The following ZNF736 variants were observed in gnomAD, a reference collection of about 807,000 sequenced individuals.
The protein encoded by ZNF736 is zinc finger protein 736, also known as KRAB-containing zinc-finger repressor protein.
A neutral mutation model predicts 11.7 loss-of-function variants in ZNF736; 6 were observed. That is an observed-to-expected ratio of 0.51 (90% CI 0.28 to 1.01). ZNF736 has a LOEUF of 1.01. ZNF736 is among the 50% of genes least tolerant of loss of function. The pLI is 0.09. For missense variants in ZNF736, 444 were observed against 496.0 expected, an observed-to-expected ratio of 0.90 and a Z score of 1.00; for synonymous variants, 139 against 164.7, an observed-to-expected ratio of 0.84 and a Z score of 1.19.
chr7:64,348,259 C>T lies in ZNF736; in HGVS notation c.396C>T (p.Gly132=). 3 of 1,551,934 alleles carry T rather than the reference C, an allele frequency of 1.9e-6. No individual in the cohort carries two copies. Among genetic ancestry groups the T allele is most frequent in the Non-Finnish European group, 2.6e-6 (3 of 1,146,906 alleles). Residue 132 remains glycine, a synonymous_variant, in exon 4 of 4, where the codon GGC becomes GGT. Transcript: ENST00000423484. ...NCKGQKSSYN[G]LHQCLSATHS... Reference sequence around the variant, plus strand: ...AGGGGCAGAAAAGCAGTTATAATGGCCTTCATCAATGTTTGTCAGCTACCC... The same window carrying T: ...AGGGGCAGAAAAGCAGTTATAATGGTCTTCATCAATGTTTGTCAGCTACCC...
At chr7:64,338,181 C>T (rs901284322) in intron 3 of ZNF736, among the ~76,000 whole-genome samples, 3 of 152,082 alleles carry the variant, frequency 2.0e-5, no homozygotes, top group Admixed American at 1.3e-4. Context: ...CATTTATATA[C>T]GCATGTGTAT....
chr7:64,331,157 C>G (rs1407156900), intron 1 of ZNF736, among the ~76,000 whole-genome samples: 1 of 152,170 alleles, frequency 6.6e-6, no homozygotes, highest in Non-Finnish European at 1.5e-5. Context: ...GTGGCTTAGA[C>G]TGCCTTTCAA....
chr7:64,348,883 C>A lies in ZNF736; in HGVS notation c.1020C>A (p.Pro340=). 1 of 1,608,210 alleles carries A rather than the reference C, an allele frequency of 6.2e-7. No individual in the cohort carries two copies. Among genetic ancestry groups the A allele is most frequent in the South Asian group, 1.1e-5 (1 of 90,402 alleles). ...KHKRIHTGEK[P]YICEECGKAF... is the part of the protein sequence containing the mutation. ...AGAGAATTCATACTGGAGAGAAACC[C>A]TACATCTGTGAAGAATGTGGCAAAG... Residue 340 remains proline, a synonymous_variant, in exon 4 of 4, where the codon CCC becomes CCA. Transcript: ENST00000423484.
rs1789426008 is a variant in ZNF736 at position 64,347,328 on chromosome 7, CCTTT to C, written c.227-758_227-755del. 2.7e-5 allele frequency among the ~76,000 whole-genome samples: 4 copies of C among 146,652 alleles called. No homozygotes were observed. In the South Asian group the frequency reaches 8.6e-4, roughly 32 times the overall value. ...CCACCTCCTGAGTTCAAGCGATTCT[CCTTT>C]CTTCTGCCTCAGCCTCCCAAGTAGC... On this transcript the variant is annotated intron_variant, in intron 3 of 3. Transcript: ENST00000423484.
At chr7:64,337,670 A>T (rs1197992465) in intron 3 of ZNF736, among the ~76,000 whole-genome samples, 4 of 151,840 alleles carry the variant, frequency 2.6e-5, no homozygotes, top group African/African-American at 9.7e-5. Context: ...TATCTACTTC[A>T]TACGTTTATT....
intron 3 of ZNF736, among the ~76,000 whole-genome samples, chr7:64,341,635 AT>A (rs1789339752): frequency 6.6e-6 from 1 of 152,098 alleles, no homozygotes; most frequent in Admixed American, 6.6e-5. Flanking sequence ...TTACTCCATC[AT>A]TTTCATGTTA....
intron 1 of ZNF736, among the ~76,000 whole-genome samples, chr7:64,314,921 A>G (rs1484860025): frequency 1.3e-5 from 2 of 152,130 alleles, no homozygotes; most frequent in African/African-American, 4.8e-5. Context: ...TTCCAGCCCA[A>G]ATCTCCTATT....
intron 1 of ZNF736, among the ~76,000 whole-genome samples, chr7:64,322,893 T>C (rs1451863466): frequency 6.6e-6 from 1 of 150,890 alleles, no homozygotes; most frequent in Admixed American, 6.6e-5. Context: ...ATGTATGTCT[T>C]TCTGTTTACT....
chr7:64,336,410 T>A, intron 2 of ZNF736, 25 bp downstream of exon 2: 1 of 1,558,854 alleles, frequency 6.4e-7, no homozygotes, highest in East Asian at 2.3e-5. Flanking sequence ...AATATACAAC[T>A]CATATTCTAC....
At chr7:64,329,670 C>T (rs1293064998) in intron 1 of ZNF736, among the ~76,000 whole-genome samples, 1 of 152,144 alleles carries the variant, frequency 6.6e-6, no homozygotes, top group African/African-American at 2.4e-5. Flanking sequence ...AACACTAGCA[C>T]CCCTGTGGCC....
intron 1 of ZNF736, among the ~76,000 whole-genome samples, chr7:64,320,473 G>A (rs1332270206): frequency 6.6e-6 from 1 of 152,130 alleles, no homozygotes; most frequent in Non-Finnish European, 1.5e-5. Flanking sequence ...CTAAGCTAGA[G>A]ATAATTCATT....
At position 64,351,886 on chromosome 7, in the gene ZNF736, G is replaced by A. The variant is rs1166253314; in HGVS notation, c.*2739G>A. ...GGTTTACTGTCTGCTGAGGAGCAGT[G>A]GGTAGTTTGTGGGACCCATGGAGGA... On this transcript the variant is annotated 3_prime_UTR_variant, in exon 4 of 4. Transcript: ENST00000423484. 1 of 152,276 alleles carries A rather than the reference G, an allele frequency of 6.6e-6. No homozygotes were observed. The highest frequency in any genetic ancestry group is 1.5e-5 in the Non-Finnish European group (1 of 68,134). The allele number at this position is 152,276 out of a possible 1,614,324, so 9.4% of individuals were successfully genotyped here.
rs867011622 is a variant in ZNF736 at position 64,319,347 on chromosome 7, A to G, written c.3+5194A>G. Reference sequence around the variant, plus strand: ...TGTGTGTATGTGTATATATATATATATATATATATATATATATATATATAT... The same window carrying G: ...TGTGTGTATGTGTATATATATATATGTATATATATATATATATATATATAT... On this transcript the variant is annotated intron_variant, in intron 1 of 3. Coordinates refer to ENST00000423484, the MANE Select transcript of ZNF736 (RefSeq NM_001170905.3). 8.0e-3 allele frequency among the ~76,000 whole-genome samples: 829 copies of G among 104,184 alleles called. 38 individuals carry two copies. The highest frequency in any genetic ancestry group is 0.029 in the African/African-American group (637 of 22,306). 68.3% of individuals were successfully genotyped at this position (104,184 alleles called of 152,430 possible).
rs777501750 is a variant in ZNF736, at chr7:64,351,474, T to C, written c.*2327T>C. On this transcript the variant is annotated 3_prime_UTR_variant, in exon 4 of 4. Transcript: ENST00000423484. ...AGGCATGTCCCTCCAGTGCAGATGC[T>C]CTGGTATGAGCTTCCAGGGTACCTG... 3 of 152,398 alleles carry C rather than the reference T, an allele frequency of 2.0e-5. No individual in the cohort carries two copies. The highest frequency in any genetic ancestry group is 7.2e-5 in the African/African-American group (3 of 41,568). 9.4% of individuals were successfully genotyped at this position (152,398 alleles called of 1,614,324 possible). A position where few individuals can be genotyped will look rare whatever the true frequency, so the allele number is the denominator to read the frequency against.
In ZNF736 at chr7:64,341,590, A is replaced by G. The variant is rs373711578; in HGVS notation, c.226+4608A>G. 5.3e-5 allele frequency among the ~76,000 whole-genome samples: 8 copies of G among 152,130 alleles called. No individual in the cohort carries two copies. The South Asian group carries it at 6.2e-4, about 12-fold the overall frequency. On this transcript the variant is annotated intron_variant, in intron 3 of 3. Transcript: ENST00000423484. ...GCAGTTCCTCTAGTATTATAACAAC[A>G]TTCACCTTCTAGCAGATACAAACTG...
chr7:64,330,206 G>A (rs1789142888), intron 1 of ZNF736, among the ~76,000 whole-genome samples: 1 of 152,070 alleles, frequency 6.6e-6, no homozygotes, highest in South Asian at 2.1e-4. Context: ...GCCCAGGCTG[G>A]AGTGCAGTGG....
intron 1 of ZNF736, among the ~76,000 whole-genome samples, chr7:64,325,093 C>A (rs1426756645): frequency 1.3e-5 from 2 of 152,046 alleles, no homozygotes; most frequent in Non-Finnish European, 2.9e-5. Context: ...TCCCTCTTAC[C>A]TATGGCTATT....
At chr7:64,314,978 T>C (rs1788891776) in intron 1 of ZNF736, among the ~76,000 whole-genome samples, 1 of 152,244 alleles carries the variant, frequency 6.6e-6, no homozygotes, top group Non-Finnish European at 1.5e-5. Context: ...GGAAGGATTG[T>C]GGGCCCGGAT....
chr7:64,330,608 C>G (rs1419131102), intron 1 of ZNF736, among the ~76,000 whole-genome samples: 1 of 152,090 alleles, frequency 6.6e-6, no homozygotes, highest in Non-Finnish European at 1.5e-5. Flanking sequence ...TCCCTTCTTC[C>G]CTCTCTTTTC....
Sources: gnomAD v4.1 joint callset for allele counts (sites outside exome capture counted in the v4.1 genomes callset) on GRCh38, gnomAD v4.1.1 for gene constraint, MANE v1.5 for transcripts, NCBI Gene and HGNC (gene_info 2026-07-23, HGNC 2026-07-21) for gene names.